Variants in DYNC1H1 observed in about 807,000 individuals in gnomAD.
DYNC1H1 encodes the protein dynein cytoplasmic 1 heavy chain 1, also known as cytoplasmic dynein 1 heavy chain 1.
In DYNC1H1, 51 loss-of-function variants were observed where a neutral mutation model predicts 527.1. The observed-to-expected ratio is 0.10, with a 90% CI of 0.08 to 0.12. The LOEUF (loss-of-function observed/expected upper bound fraction) is 0.12. Ranked by LOEUF, DYNC1H1 falls within the 10% of genes least tolerant of loss-of-function variation. The pLI is 1.00. For synonymous variants in DYNC1H1, 2,189 were observed against 2,278.8 expected (o/e 0.96, Z 1.12); for missense variants, 2,771 against 5,971.8 (o/e 0.46, Z 17.66).
At position 102,041,421 on chromosome 14, in the gene DYNC1H1, C is replaced by A; in HGVS notation, c.11942-153C>A. 1 of 1,225,588 alleles carries A rather than the reference C, an allele frequency of 8.2e-7. No individual in the cohort carries two copies. Among genetic ancestry groups the A allele is most frequent in the Non-Finnish European group, 1.2e-6 (1 of 843,200 alleles). 75.9% of individuals were successfully genotyped at this position (1,225,588 alleles called of 1,614,324 possible). A position where few individuals can be genotyped will look rare whatever the true frequency, so the allele number is the denominator to read the frequency against. On this transcript the variant is annotated intron_variant, in intron 64 of 77. Transcript: ENST00000360184. The surrounding 1 kb of genome is among the most constrained non-coding windows in gnomAD (Gnocchi z 4.5). ...GCGTGTCCAGAGGGCTCACGGAAGGCACAGCAGATGTGGCTGAATTTCCTG... is the reference window on the plus strand; with the variant it reads ...GCGTGTCCAGAGGGCTCACGGAAGGAACAGCAGATGTGGCTGAATTTCCTG...
At position 102,017,665 on chromosome 14, in the gene DYNC1H1, A is replaced by G. The variant is rs2048338968; in HGVS notation, c.8177+161A>G. 7.3e-7 allele frequency: 1 copy of G among 1,366,684 alleles called. No homozygotes were observed. The highest frequency in any genetic ancestry group is 1.0e-6 in the Non-Finnish European group (1 of 986,262). The allele number at this position is 1,366,684 out of a possible 1,614,324, so 84.7% of individuals were successfully genotyped here. A position where few individuals can be genotyped will look rare whatever the true frequency, so the allele number is the denominator to read the frequency against. On this transcript the variant is annotated intron_variant, in intron 40 of 77. Coordinates refer to ENST00000360184, the MANE Select transcript of DYNC1H1 (RefSeq NM_001376.5). This position sits in a 1 kb window ranked among gnomAD's most constrained non-coding sequence, Gnocchi z 4.6. ...CTCTGTGCTGTAATGCCAGGAAAAC[A>G]TGTTAAAAATAAAAGCATTGGCCGG...
rs2048861760 is a variant in DYNC1H1 at position 102,055,060 on chromosome 14, CCTT to C, written c.*4500_*4502del. The C allele has an allele frequency of 6.6e-6, 1 of 152,226 alleles. No individual in the cohort carries two copies. The highest frequency in any genetic ancestry group is 2.1e-4 in the South Asian group (1 of 4,822). 9.4% of individuals were successfully genotyped at this position (152,226 alleles called of 1,614,324 possible). A position where few individuals can be genotyped will look rare whatever the true frequency, so the allele number is the denominator to read the frequency against. ...ACATCTACAGTGCCTCCTGGCCACTCCTTCTGGACTTTTCTTTCCTAGCCCAGG... is the reference window on the plus strand; with the variant it reads ...ACATCTACAGTGCCTCCTGGCCACTCCTGGACTTTTCTTTCCTAGCCCAGG... On this transcript the variant is annotated 3_prime_UTR_variant, in exon 78 of 78. Coordinates refer to ENST00000360184, the MANE Select transcript of DYNC1H1 (RefSeq NM_001376.5).
chr14:102,029,771 A>T lies in DYNC1H1; in HGVS notation c.9643-48A>T. On this transcript the variant is annotated intron_variant, in intron 49 of 77. Transcript: ENST00000360184. The surrounding 1 kb of genome is among the most constrained non-coding windows in gnomAD (Gnocchi z 5.3). ...AGCTGCAGTGAGGACCCCTTTCCAT[A>T]TAATTTCTGCATGTTTCTCGTCTCT... is the stretch of plus-strand genomic sequence containing the variant. 1 of 1,614,162 alleles carries T rather than the reference A, an allele frequency of 6.2e-7. No individual in the cohort carries two copies. The highest frequency in any genetic ancestry group is 8.5e-7 in the Non-Finnish European group (1 of 1,180,032).
At position 102,053,515 on chromosome 14, in the gene DYNC1H1, C is replaced by T. The variant is rs1489548236; in HGVS notation, c.*2952C>T. On this transcript the variant is annotated 3_prime_UTR_variant, in exon 78 of 78. Coordinates refer to ENST00000360184, the MANE Select transcript of DYNC1H1 (RefSeq NM_001376.5). ...CCAGGCTGGAGTGCAGTGGCGCGAT[C>T]TCGGCTCACTGCAAGCTCCGCCTCC... is the stretch of plus-strand genomic sequence containing the variant. 8 of 152,038 alleles carry T rather than the reference C, an allele frequency of 5.3e-5. No individual in the cohort carries two copies. In the East Asian group the frequency reaches 9.7e-4, roughly 18 times the overall value. 9.4% of individuals were successfully genotyped at this position (152,038 alleles called of 1,614,324 possible).
At position 102,041,805 on chromosome 14, in the gene DYNC1H1, G is replaced by C; in HGVS notation, c.12102+71G>C. The C allele has an allele frequency of 1.9e-6, 3 of 1,608,676 alleles. No homozygotes were observed. Among genetic ancestry groups the C allele is most frequent in the East Asian group, 2.2e-5 (1 of 44,822 alleles). ...ACCTCCCCAGCCACAGGTGGCAGCAGCCCTGGCATCTGCTCTCACTCCGGG... is the reference window on the plus strand; with the variant it reads ...ACCTCCCCAGCCACAGGTGGCAGCACCCCTGGCATCTGCTCTCACTCCGGG... On this transcript the variant is annotated intron_variant, in intron 65 of 77. Transcript: ENST00000360184. The surrounding 1 kb of genome is among the most constrained non-coding windows in gnomAD (Gnocchi z 4.5).
Position 102,033,825 on chromosome 14 carries a change from G to A in DYNC1H1, c.10414-151G>A. The A allele has an allele frequency of 2.5e-6, 2 of 806,514 alleles. No homozygotes were observed. The highest frequency in any genetic ancestry group is 4.1e-6 in the Non-Finnish European group (2 of 490,556). The allele number at this position is 806,514 out of a possible 1,614,324, so 50.0% of individuals were successfully genotyped here. On this transcript the variant is annotated intron_variant, in intron 54 of 77. Transcript: ENST00000360184. This position sits in a 1 kb window ranked among gnomAD's most constrained non-coding sequence, Gnocchi z 5.6. ...TGTGGTCATTAGTTATATATGATCT[G>A]GGTCTCATCTCCTCTGGGACTGTGA...
In DYNC1H1 at chr14:102,001,501, AT is replaced by A. The variant is rs2048130277; in HGVS notation, c.4396-32del. The A allele has an allele frequency of 6.8e-6, 11 of 1,614,060 alleles. No homozygotes were observed. Among genetic ancestry groups the A allele is most frequent in the Non-Finnish European group, 9.3e-6 (11 of 1,180,050 alleles). Reference sequence around the variant, plus strand: ...TTGTGCAGGTAGTGAATGCCCACATATTGATAACATGCATCTTTCTGGTTTG... The same window carrying A: ...TTGTGCAGGTAGTGAATGCCCACATATGATAACATGCATCTTTCTGGTTTG... On this transcript the variant is annotated intron_variant, in intron 20 of 77. Coordinates refer to ENST00000360184, the MANE Select transcript of DYNC1H1 (RefSeq NM_001376.5). The surrounding 1 kb of genome is among the most constrained non-coding windows in gnomAD (Gnocchi z 5.0).
chr14:102,004,115 G>A (rs1448002790), intron 23 of DYNC1H1, among the ~76,000 whole-genome samples: 3 of 151,202 alleles, frequency 2.0e-5, no homozygotes, highest in Non-Finnish European at 4.4e-5. Flanking sequence ...GTGGTGGTGG[G>A]CGCCTGTAGT....
chr14:102,005,260 CCTTACCAGTTAGACT>C lies in DYNC1H1; in HGVS notation c.5433+30_5433+44del, dbSNP rs1248284973. On this transcript the variant is annotated intron_variant, in intron 26 of 77. Coordinates refer to ENST00000360184, the MANE Select transcript of DYNC1H1 (RefSeq NM_001376.5). The surrounding 1 kb of genome is among the most constrained non-coding windows in gnomAD (Gnocchi z 4.0). ...TGGTTAGTCTCACACCTGACTCCTT[CCTTACCAGTTAGACT>C]CTTACACCCTCAACCACACAGTTAA... The C allele has an allele frequency of 2.8e-5, 45 of 1,613,790 alleles. No homozygotes were observed. The highest frequency in any genetic ancestry group is 3.8e-5 in the Non-Finnish European group (45 of 1,179,898).
chr14:101,965,022 C>A lies in DYNC1H1; in HGVS notation c.256+75C>A. ...CAGGGCCTGCCAGGTCCTCCGGGGT[C>A]GCAGATGTCCCCGGGATGGGAGGAG... is the stretch of plus-strand genomic sequence containing the variant. On this transcript the variant is annotated intron_variant, in intron 1 of 77. Coordinates refer to ENST00000360184, the MANE Select transcript of DYNC1H1 (RefSeq NM_001376.5). This position sits in a 1 kb window ranked among gnomAD's most constrained non-coding sequence, Gnocchi z 4.1. 1 of 1,468,354 alleles carries A rather than the reference C, an allele frequency of 6.8e-7. No homozygotes were observed. Among genetic ancestry groups the A allele is most frequent in the African/African-American group, 1.4e-5 (1 of 71,018 alleles). The allele number at this position is 1,468,354 out of a possible 1,614,324, so 91.0% of individuals were successfully genotyped here. A position where few individuals can be genotyped will look rare whatever the true frequency, so the allele number is the denominator to read the frequency against.
chr14:102,003,649 G>A (rs193030096), intron 23 of DYNC1H1, among the ~76,000 whole-genome samples: 1 of 152,304 alleles, frequency 6.6e-6, no homozygotes, highest in Admixed American at 6.5e-5. Flanking sequence ...GAGTTAATAG[G>A]CCGGGCGTGG....
At position 102,039,901 on chromosome 14, in the gene DYNC1H1, A is replaced by G. The variant is rs2048625325; in HGVS notation, c.11690+169A>G. Among the ~76,000 whole-genome samples, 2 of 152,000 alleles carry G rather than the reference A, an allele frequency of 1.3e-5. No homozygotes were observed. Among genetic ancestry groups the G allele is most frequent in the East Asian group, 1.9e-4 (1 of 5,196 alleles). On this transcript the variant is annotated intron_variant, in intron 62 of 77. Coordinates refer to ENST00000360184, the MANE Select transcript of DYNC1H1 (RefSeq NM_001376.5). The surrounding 1 kb of genome is among the most constrained non-coding windows in gnomAD (Gnocchi z 7.0). Reference sequence around the variant, plus strand: ...TGCCTAGGCTGGAGTGCCGTGGTGTAATCTCACCTCACTGCAACCTCCACC... The same window carrying G: ...TGCCTAGGCTGGAGTGCCGTGGTGTGATCTCACCTCACTGCAACCTCCACC...
In DYNC1H1 at chr14:102,038,991, T is replaced by C. The variant is rs750573277; in HGVS notation, c.11207-10T>C. 17 of 1,613,878 alleles carry C rather than the reference T, an allele frequency of 1.1e-5. No individual in the cohort carries two copies. The Admixed American group carries it at 2.7e-4, about 25-fold the overall frequency. On this transcript the variant is annotated splice_polypyrimidine_tract_variant and intron_variant, in intron 59 of 77. Coordinates refer to ENST00000360184, the MANE Select transcript of DYNC1H1 (RefSeq NM_001376.5). The surrounding 1 kb of genome is among the most constrained non-coding windows in gnomAD (Gnocchi z 7.2). ...ATTATTGCAAACTCTGGATGTTTTA[T>C]TCATTTAAGGGGAATTTCAGCTCCG...
chr14:101,990,319 C>T (rs1266334893), intron 10 of DYNC1H1, among the ~76,000 whole-genome samples: 16 of 152,032 alleles, frequency 1.1e-4, no homozygotes, highest in Admixed American at 8.5e-4. Context: ...GTCTCAAGGT[C>T]GTTATATTGA....
rs2048350905 is a variant in DYNC1H1 at position 102,018,530 on chromosome 14, C to T, written c.8257C>T (p.Arg2753Cys). ...CACACAGATCTACGGCACCTTCAAC[C>T]GCGCCATGCTGAGGCTCATTCCATC... is the stretch of plus-strand genomic sequence containing the variant. ...SLTQIYGTFN[R>C]AMLRLIPSLR... is the part of the protein sequence containing the mutation. The change falls in exon 41 of 78, where the codon CGC (arginine) becomes TGC (cysteine). Residue 2753 changes from arginine (R) to cysteine (C), a missense_variant. This residue lies in a region of DYNC1H1 where 163 missense variants were observed against 346.9 expected (regional missense o/e 0.47). Coordinates refer to ENST00000360184, the MANE Select transcript of DYNC1H1 (RefSeq NM_001376.5). The surrounding 1 kb of genome is among the most constrained non-coding windows in gnomAD (Gnocchi z 5.2). The T allele has an allele frequency of 6.2e-7, 1 of 1,614,110 alleles. No homozygotes were observed. The highest frequency in any genetic ancestry group is 2.2e-5 in the East Asian group (1 of 44,884).
In DYNC1H1 at chr14:102,000,367, G is replaced by C. The variant is rs1047509819; in HGVS notation, c.4042G>C (p.Glu1348Gln). The C allele has an allele frequency of 6.2e-7, 1 of 1,614,002 alleles. No individual in the cohort carries two copies. The highest frequency in any genetic ancestry group is 8.5e-7 in the Non-Finnish European group (1 of 1,180,030). ...TTGGGAGCAAATCGATCAGATGAAG[G>C]AGCAACCCTGGGTTTCAGTACAGCC... Reference protein sequence around the residue: ...KVWEQIDQMKEQPWVSVQPRK... With the variant: ...KVWEQIDQMKQQPWVSVQPRK... Residue 1348 changes from glutamate to glutamine, a missense_variant, in exon 18 of 78, where the codon GAG (glutamate) becomes CAG (glutamine). Physicochemically the swap from Glu to Gln is conservative, Grantham distance 29. Coordinates refer to ENST00000360184, the MANE Select transcript of DYNC1H1 (RefSeq NM_001376.5).
intron 11 of DYNC1H1, among the ~76,000 whole-genome samples, chr14:101,993,054 A>G (rs1394895261): frequency 1.4e-5 from 2 of 147,202 alleles, no homozygotes; most frequent in African/African-American, 5.0e-5. Context: ...AGCTACTAGC[A>G]TGGCATCTCC....
chr14:102,044,288 C>G lies in DYNC1H1; in HGVS notation c.12699C>G (p.Ile4233Met). 1 of 1,614,138 alleles carries G rather than the reference C, an allele frequency of 6.2e-7. No individual in the cohort carries two copies. Among genetic ancestry groups the G allele is most frequent in the Non-Finnish European group, 8.5e-7 (1 of 1,180,032 alleles). ...LDDTAKGRQN[I>M]SPDKIPWSAL... ...TCCTCCCCCAGGGCAGGCAGAACAT[C>G]TCACCGGATAAGATCCCGTGGTCTG... The change falls in exon 71 of 78, where the codon ATC (isoleucine) becomes ATG (methionine). Residue 4233 changes from isoleucine (I) to methionine (M), a missense_variant. By Grantham distance (10) the Ile-to-Met change is conservative. This residue lies in a region of DYNC1H1 where 195 missense variants were observed against 428.6 expected (regional missense o/e 0.45). Coordinates refer to ENST00000360184, the MANE Select transcript of DYNC1H1 (RefSeq NM_001376.5). This position sits in a 1 kb window ranked among gnomAD's most constrained non-coding sequence, Gnocchi z 7.1.
At position 102,027,264 on chromosome 14, in the gene DYNC1H1, C is replaced by T. The variant is rs755723273; in HGVS notation, c.8862C>T (p.Asn2954=). Residue 2954 remains asparagine (N), a synonymous_variant, in exon 45 of 78, where the codon AAC becomes AAT. Transcript: ENST00000360184. This position sits in a 1 kb window ranked among gnomAD's most constrained non-coding sequence, Gnocchi z 7.7. ...TTLSRFVAWM[N]GLSVYQIKVH... ...TGTCTCGTTTCGTCGCCTGGATGAA[C>T]GGTTTGAGTGTGTACCAGATTAAGG... 1.5e-5 allele frequency: 24 copies of T among 1,613,894 alleles called. No homozygotes were observed. Among genetic ancestry groups the T allele is most frequent in the African/African-American group, 8.0e-5 (6 of 74,860 alleles).
Sources: gnomAD v4.1 joint callset for allele counts (sites outside exome capture counted in the v4.1 genomes callset) on GRCh38, gnomAD v4.1.1 for gene constraint, gnomAD v4.1.1 regional missense constraint, Gnocchi (gnomAD v3.1) non-coding constraint, MANE v1.5 for transcripts, NCBI Gene and HGNC (gene_info 2026-07-23, HGNC 2026-07-21) for gene names.